The following B4GALT5 variants were observed in gnomAD, a reference collection of about 807,000 sequenced individuals.
B4GALT5 encodes the protein beta-1,4-galactosyltransferase 5.
A neutral mutation model predicts 45.0 loss-of-function variants in B4GALT5; 11 were observed. That is an observed-to-expected ratio of 0.24 (90% CI 0.15 to 0.40). The LOEUF is 0.40. B4GALT5 is among the 10% of genes least tolerant of loss of function. The pLI, the probability that B4GALT5 is intolerant of heterozygous loss-of-function variation, is 1.00. For synonymous variants in B4GALT5, 185 were observed against 182.9 expected, an observed-to-expected ratio of 1.01 and a Z score of -0.09; for missense variants, 337 against 500.2, an observed-to-expected ratio of 0.67 and a Z score of 3.11.
intron 1 of B4GALT5, among the ~76,000 whole-genome samples, chr20:49,703,410 C>T (rs1426866284): frequency 6.6e-6 from 1 of 152,034 alleles, no homozygotes; most frequent in East Asian, 1.9e-4. Flanking sequence ...GGCTGGTCTG[C>T]CCAGACAATA....
intron 1 of B4GALT5, among the ~76,000 whole-genome samples, chr20:49,681,216 TA>T (rs10628956): frequency 2.3e-4 from 17 of 72,434 alleles, no homozygotes; most frequent in Admixed American, 8.6e-4. Context: ...ACCCCATCTC[TA>T]AAAAAAAAAA....
chr20:49,692,349 C>T (rs1332273617), intron 1 of B4GALT5, among the ~76,000 whole-genome samples: 1 of 151,234 alleles, frequency 6.6e-6, no homozygotes, highest in African/African-American at 2.4e-5. Context: ...TGCCTGTAGT[C>T]CCAACTACTC....
At chr20:49,651,098 A>G (rs913819592) in intron 2 of B4GALT5, among the ~76,000 whole-genome samples, 7 of 152,196 alleles carry the variant, frequency 4.6e-5, no homozygotes, top group Non-Finnish European at 8.8e-5. Flanking sequence ...AGCCTGACCA[A>G]CATGGTGAAA....
chr20:49,654,341 T>C (rs1424235987), intron 2 of B4GALT5, among the ~76,000 whole-genome samples: 6 of 152,206 alleles, frequency 3.9e-5, no homozygotes, highest in Admixed American at 3.3e-4. Context: ...AGAATGTGTG[T>C]GCGGATTGTG....
intron 2 of B4GALT5, among the ~76,000 whole-genome samples, chr20:49,652,864 G>A (rs1198529556): frequency 6.6e-6 from 1 of 152,202 alleles, no homozygotes; most frequent in Non-Finnish European, 1.5e-5. Flanking sequence ...GCAGAGGATG[G>A]TGCATAATCC....
At chr20:49,705,915 C>T (rs2085881828) in intron 1 of B4GALT5, among the ~76,000 whole-genome samples, 2 of 151,700 alleles carry the variant, frequency 1.3e-5, no homozygotes, top group African/African-American at 4.8e-5. Flanking sequence ...TGCAGTGGCT[C>T]ACACCTGTAA....
chr20:49,692,968 CTTTTCTGTT>C (rs2085822466), intron 1 of B4GALT5, among the ~76,000 whole-genome samples: 1 of 152,098 alleles, frequency 6.6e-6, no homozygotes, highest in Admixed American at 6.5e-5. Flanking sequence ...TTTACTATAC[CTTTTCTGTT>C]TAGATATATT....
intron 1 of B4GALT5, 96 bp downstream of exon 1, chr20:49,713,480 C>T: frequency 7.8e-7 from 1 of 1,282,312 alleles, no homozygotes; most frequent in South Asian, 1.3e-5. Context: ...GGCTCAGGGC[C>T]GCCTCCCGGC....
rs1359426775 is a variant in B4GALT5, at chr20:49,635,255, T to G, written c.*1057A>C. 8.9e-6 allele frequency: 1 copy of G among 111,834 alleles called. No individual in the cohort carries two copies. The highest frequency in any genetic ancestry group is 1.7e-5 in the Non-Finnish European group (1 of 59,000). 6.9% of individuals were successfully genotyped at this position (111,834 alleles called of 1,614,324 possible). Reference sequence around the variant, plus strand: ...CCCCCCGCCCCCCGCCCCGCCATGCTGATGAAAAGACAGAACACGAAGCCT... The same window carrying G: ...CCCCCCGCCCCCCGCCCCGCCATGCGGATGAAAAGACAGAACACGAAGCCT... On this transcript the variant is annotated 3_prime_UTR_variant, in exon 9 of 9. Coordinates refer to ENST00000371711, the MANE Select transcript of B4GALT5 (RefSeq NM_004776.4).
In B4GALT5 at chr20:49,673,450, G is replaced by A. The variant is rs1312638377; in HGVS notation, c.116-16748C>T. ...TAGGCAATTCCAGAATGTAGGACAT[G>A]CAATAATACTGGCCTGAACTCTTTC... is the stretch of plus-strand genomic sequence containing the variant. On this transcript the variant is annotated intron_variant, in intron 1 of 8. Transcript: ENST00000371711. 2.0e-5 allele frequency among the ~76,000 whole-genome samples: 3 copies of A among 152,114 alleles called. No homozygotes were observed. The East Asian group carries it at 5.8e-4, about 29-fold the overall frequency.
At chr20:49,640,767 T>A (rs1159688296) in intron 5 of B4GALT5, 102 bp from the exon 6 acceptor site, 1 of 1,220,556 alleles carries the variant, frequency 8.2e-7, no homozygotes, top group South Asian at 1.6e-5. Context: ...CTGGAAAAGA[T>A]CACTGGGCTA....
Position 49,686,171 on chromosome 20 carries a change from C to A in B4GALT5, c.115+27405G>T, listed in dbSNP as rs529241054. On this transcript the variant is annotated intron_variant, in intron 1 of 8. Coordinates refer to ENST00000371711, the MANE Select transcript of B4GALT5 (RefSeq NM_004776.4). ...TAAATTATTTTTGGTAGTGTCATGC[C>A]ATTCAAAATTGTCCATTCTAATCTT... is the stretch of plus-strand genomic sequence containing the variant. 2.0e-5 allele frequency among the ~76,000 whole-genome samples: 3 copies of A among 152,324 alleles called. No homozygotes were observed. The East Asian group carries it at 5.8e-4, about 29-fold the overall frequency.
At chr20:49,707,306 T>C (rs2085888355) in intron 1 of B4GALT5, among the ~76,000 whole-genome samples, 1 of 151,978 alleles carries the variant, frequency 6.6e-6, no homozygotes, top group Admixed American at 6.6e-5. Context: ...CACGGCTTCC[T>C]CCTAAGAAGA....
At chr20:49,656,171 T>G (rs2085642180) in intron 2 of B4GALT5, among the ~76,000 whole-genome samples, 1 of 152,076 alleles carries the variant, frequency 6.6e-6, no homozygotes, top group Non-Finnish European at 1.5e-5. Flanking sequence ...GGCCCTGCCC[T>G]CCTCTCACCT....
At chr20:49,701,674 C>A (rs1423324262) in intron 1 of B4GALT5, among the ~76,000 whole-genome samples, 4 of 152,068 alleles carry the variant, frequency 2.6e-5, no homozygotes, top group African/African-American at 9.7e-5. Context: ...AAAAAAAACA[C>A]CCACAATACC....
At chr20:49,662,463 C>T (rs1396032793) in intron 1 of B4GALT5, among the ~76,000 whole-genome samples, 1 of 152,100 alleles carries the variant, frequency 6.6e-6, no homozygotes, top group Non-Finnish European at 1.5e-5. Flanking sequence ...ACAGAGGATG[C>T]ATAATAAATA....
chr20:49,656,478 C>CT, intron 2 of B4GALT5, 90 bp downstream of exon 2: 2 of 1,527,178 alleles, frequency 1.3e-6, no homozygotes, highest in Non-Finnish European at 1.8e-6. Flanking sequence ...TTACAATGCG[C>CT]TTTTCCCATT....
At chr20:49,696,334 A>C (rs1479208207) in intron 1 of B4GALT5, among the ~76,000 whole-genome samples, 1 of 152,250 alleles carries the variant, frequency 6.6e-6, no homozygotes, top group Non-Finnish European at 1.5e-5. Context: ...GTAACATTTA[A>C]TGAGATTTGA....
At chr20:49,640,758 T>G in intron 5 of B4GALT5, 93 bp from the exon 6 acceptor site, 5 of 1,297,460 alleles carry the variant, frequency 3.9e-6, no homozygotes, top group Non-Finnish European at 5.2e-6. Context: ...TAGAACCAAC[T>G]GGAAAAGATC....
Sources: gnomAD v4.1 joint callset for allele counts (sites outside exome capture counted in the v4.1 genomes callset) on GRCh38, gnomAD v4.1.1 for gene constraint, MANE v1.5 for transcripts, NCBI Gene and HGNC (gene_info 2026-07-23, HGNC 2026-07-21) for gene names.